Variants in KPNA4 observed in about 807,000 individuals in gnomAD.
The protein encoded by KPNA4 is karyopherin subunit alpha 4.
Under a neutral mutation model 71.3 loss-of-function variants are expected in KPNA4, and 13 were observed. That is an observed-to-expected ratio of 0.18 (90% CI 0.12 to 0.29). The LOEUF (loss-of-function observed/expected upper bound fraction) is 0.29. Among genes scored for constraint, KPNA4 ranks in the 10% least tolerant of loss-of-function variants. KPNA4 has a pLI of 1.00. For missense variants in KPNA4, 334 were observed against 603.2 expected (o/e 0.55, Z 4.67); for synonymous variants, 189 against 195.2 (o/e 0.97, Z 0.26).
intron 13 of KPNA4, among the ~76,000 whole-genome samples, chr3:160,510,380 G>A (rs370547091): frequency 1.3e-5 from 2 of 151,936 alleles, no homozygotes; most frequent in South Asian, 2.1e-4. Flanking sequence ...AATTTACCAA[G>A]AAAATAACAT....
chr3:160,511,352 G>C (rs903604401), intron 13 of KPNA4, among the ~76,000 whole-genome samples: 3 of 151,918 alleles, frequency 2.0e-5, no homozygotes, highest in Admixed American at 1.3e-4. Context: ...TGATCTGCCC[G>C]CCTCAGCCTC....
At chr3:160,522,516 A>G (rs2108548986) in intron 10 of KPNA4, among the ~76,000 whole-genome samples, 1 of 151,786 alleles carries the variant, frequency 6.6e-6, no homozygotes, top group Middle Eastern at 3.4e-3. Context: ...GGAGTGCAGC[A>G]GCGCGATCTC....
Position 160,496,473 on chromosome 3 carries a change from G to A in KPNA4, c.*5631C>T, listed in dbSNP as rs565982657. On this transcript the variant is annotated 3_prime_UTR_variant, in exon 17 of 17. Transcript: ENST00000334256. The stretch of plus-strand genomic sequence containing the variant: ...CTGTTTCAAAGTAAGAGTAAAAACA[G>A]GCTGGAGAAAATCTTGGGTAATATT... The A allele has an allele frequency of 5.3e-5, 8 of 152,276 alleles. No homozygotes were observed. Among genetic ancestry groups the A allele is most frequent in the African/African-American group, 1.9e-4 (8 of 41,546 alleles). 9.4% of individuals were successfully genotyped at this position (152,276 alleles called of 1,614,324 possible).
intron 8 of KPNA4, 148 bp downstream of exon 8, chr3:160,527,805 C>G: frequency 2.0e-6 from 1 of 511,206 alleles, no homozygotes; most frequent in Non-Finnish European, 3.6e-6. Context: ...TATGCTTTTA[C>G]AGTAATACAG....
chr3:160,550,772 G>A (rs1722024363), intron 1 of KPNA4, among the ~76,000 whole-genome samples: 1 of 152,178 alleles, frequency 6.6e-6, no homozygotes, highest in Non-Finnish European at 1.5e-5. Context: ...GTATGACTGT[G>A]TCATTTTTGT....
At chr3:160,561,708 G>A (rs141792298) in intron 1 of KPNA4, among the ~76,000 whole-genome samples, 2 of 152,076 alleles carry the variant, frequency 1.3e-5, no homozygotes, top group Non-Finnish European at 2.9e-5. Flanking sequence ...TCAATGAGCA[G>A]CTACATGTCT....
chr3:160,554,698 C>A (rs1722102884), intron 1 of KPNA4, among the ~76,000 whole-genome samples: 1 of 152,078 alleles, frequency 6.6e-6, no homozygotes, highest in African/African-American at 2.4e-5. Context: ...AAGCTGATCA[C>A]CAATTGTTAA....
At chr3:160,542,893 A>G (rs1176170065) in intron 1 of KPNA4, among the ~76,000 whole-genome samples, 1 of 152,244 alleles carries the variant, frequency 6.6e-6, no homozygotes, top group Non-Finnish European at 1.5e-5. Context: ...AACTGTAAGC[A>G]TTGAAAATTT....
At chr3:160,553,397 A>C (rs1722078181) in intron 1 of KPNA4, among the ~76,000 whole-genome samples, 1 of 152,222 alleles carries the variant, frequency 6.6e-6, no homozygotes, top group Non-Finnish European at 1.5e-5. Context: ...CAGTCAGATT[A>C]TCTCTTAGTA....
intron 11 of KPNA4, among the ~76,000 whole-genome samples, chr3:160,519,801 C>CAAAAAAAAAAAAA (rs558355699): frequency 3.6e-4 from 30 of 83,686 alleles, no homozygotes; most frequent in Non-Finnish European, 5.3e-4. Context: ...GACTCCGTCT[C>CAAAAAAAAAAAAA]AAAAAAAAAA....
intron 1 of KPNA4, among the ~76,000 whole-genome samples, chr3:160,548,605 T>C (rs1214675056): frequency 6.6e-6 from 1 of 152,218 alleles, no homozygotes. Flanking sequence ...TTATGGTTCA[T>C]CCATGTTGTA....
chr3:160,538,131 A>G (rs1577057762), intron 1 of KPNA4, among the ~76,000 whole-genome samples: 1 of 149,922 alleles, frequency 6.7e-6, no homozygotes, highest in East Asian at 1.9e-4. Flanking sequence ...ATGTATATAT[A>G]TGTATGTATA....
intron 1 of KPNA4, among the ~76,000 whole-genome samples, chr3:160,560,392 T>G (rs949676953): frequency 6.6e-6 from 1 of 152,124 alleles, no homozygotes; most frequent in Non-Finnish European, 1.5e-5. Flanking sequence ...TTCAGTCATA[T>G]TCCTCTTTTC....
At chr3:160,563,508 G>C (rs1449701622) in intron 1 of KPNA4, among the ~76,000 whole-genome samples, 1 of 152,186 alleles carries the variant, frequency 6.6e-6, no homozygotes. Flanking sequence ...TGGGTGAATT[G>C]TATGGCATGC....
chr3:160,515,089 T>C (rs907429695), intron 12 of KPNA4: 4 of 519,370 alleles, frequency 7.7e-6, no homozygotes, highest in African/African-American at 1.9e-5. Flanking sequence ...CCCCTTTCCA[T>C]AGCCACCACA....
Position 160,528,010 on chromosome 3 carries a change from G to A in KPNA4, c.499C>T (p.His167Tyr). Reference sequence around the variant, plus strand: ...TCACAGACATTCTGATGGGGTGAATGGAGAAGCCTCAGGAAAAGTGGCACA... The same window carrying A: ...TCACAGACATTCTGATGGGGTGAATAGAGAAGCCTCAGGAAAAGTGGCACA... The part of the protein sequence containing the change: ...NAVPLFLRLL[H>Y]SPHQNVCEQA... Residue 167 changes from histidine to tyrosine, a missense_variant, in exon 8 of 17, where the codon CAT becomes TAT. Transcript: ENST00000334256. 2 of 1,612,376 alleles carry A rather than the reference G, an allele frequency of 1.2e-6. No individual in the cohort carries two copies. Among genetic ancestry groups the A allele is most frequent in the Non-Finnish European group, 1.7e-6 (2 of 1,179,018 alleles).
intron 13 of KPNA4, among the ~76,000 whole-genome samples, chr3:160,513,119 T>G (rs1302134642): frequency 6.6e-6 from 1 of 152,194 alleles, no homozygotes; most frequent in East Asian, 1.9e-4. Context: ...AATAGAGTTG[T>G]GCATGACATA....
rs771969422 is a variant in KPNA4, at chr3:160,505,042, T to C, written c.1383A>G (p.Lys461=). ...NLIEECGGLE[K]IEQLQNHENE... ...TTTCATGATTTTGAAGTTGTTCAAT[T>C]TTCTCCAGCCCTGCAAGAAATTTTG... is the stretch of plus-strand genomic sequence containing the variant. Residue 461 remains lysine (K), a synonymous_variant, in exon 16 of 17, where the codon AAA becomes AAG. Transcript: ENST00000334256. The C allele has an allele frequency of 1.9e-6, 3 of 1,543,438 alleles. No homozygotes were observed. The highest frequency in any genetic ancestry group is 2.6e-5 in the South Asian group (2 of 77,048).
intron 1 of KPNA4, among the ~76,000 whole-genome samples, chr3:160,560,123 A>T (rs890799310): frequency 3.9e-5 from 6 of 152,142 alleles, no homozygotes; most frequent in Admixed American, 3.9e-4. Flanking sequence ...CAGTGCTTTC[A>T]CATAGAACCT....
Sources: allele counts gnomAD v4.1 joint callset (sites outside exome capture counted in the v4.1 genomes callset), GRCh38; gene constraint gnomAD v4.1.1; transcripts MANE v1.5; gene names NCBI Gene and HGNC (gene_info 2026-07-23, HGNC 2026-07-21).